Variants in STK4 observed in about 807,000 individuals in gnomAD.
The protein encoded by STK4 is serine/threonine kinase 4, also known as serine/threonine-protein kinase 4.
Under a neutral mutation model 64.9 loss-of-function variants are expected in STK4, and 30 were observed. That is an observed-to-expected ratio of 0.46 (90% confidence interval 0.35 to 0.63). The LOEUF (loss-of-function observed/expected upper bound fraction) is 0.63, where lower values mean the gene tolerates loss of function less well. STK4 is among the 20% of genes least tolerant of loss of function. The pLI, the probability that STK4 is intolerant of heterozygous loss-of-function variation, is 0.01. For missense variants in STK4, 466 were observed against 598.5 expected (o/e 0.78, Z 2.31); for synonymous variants, 177 against 199.0 (o/e 0.89, Z 0.93).
Position 45,054,759 on chromosome 20 carries a change from A to G in STK4, c.1306-20259A>G, listed in dbSNP as rs117970030. ...AGCTGTAAGATTTAATGAAGAGCAA[A>G]TGAGATTAATACATATAAAATACTT... On this transcript the variant is annotated intron_variant, in intron 10 of 10. Coordinates refer to ENST00000372806, the MANE Select transcript of STK4 (RefSeq NM_006282.5). 1.1e-3 allele frequency among the ~76,000 whole-genome samples: 165 copies of G among 152,214 alleles called. 1 individual carries two copies. The East Asian group carries it at 0.017, about 15-fold the overall frequency.
intron 9 of STK4, among the ~76,000 whole-genome samples, chr20:45,012,314 G>T (rs182480942): frequency 4.3e-4 from 65 of 152,192 alleles, no homozygotes; most frequent in African/African-American, 1.4e-3. Flanking sequence ...GATTACAGGC[G>T]TGAGCCACTG....
At chr20:45,001,129 T>C (rs1004529463) in intron 8 of STK4, 38 bp from the exon 9 acceptor site, 2 of 1,577,530 alleles carry the variant, frequency 1.3e-6, no homozygotes, top group African/African-American at 2.7e-5. Flanking sequence ...AAGTCTTTTG[T>C]CAAATTAGCC....
intron 5 of STK4, among the ~76,000 whole-genome samples, chr20:44,990,971 G>GTC (rs1158219353): frequency 6.6e-6 from 1 of 152,128 alleles, no homozygotes; most frequent in Non-Finnish European, 1.5e-5. Flanking sequence ...CCATCTGATA[G>GTC]TCTGTTCAGT....
In STK4 at chr20:45,053,106, G is replaced by A. The variant is rs183418829; in HGVS notation, c.1306-21912G>A. The A allele has an allele frequency of 2.0e-5, 33 of 1,612,638 alleles. No homozygotes were observed. The East Asian group carries it at 7.4e-4, about 36-fold the overall frequency. On this transcript the variant is annotated intron_variant, in intron 10 of 10. Transcript: ENST00000372806. ...TTCAGAAAACTAGCCAAGAACAGCA[G>A]TCTGGAAAAGACATATGTATCCAAA...
intron 10 of STK4, among the ~76,000 whole-genome samples, chr20:45,071,764 TTTA>T (rs1980089372): frequency 6.6e-6 from 1 of 152,138 alleles, no homozygotes; most frequent in South Asian, 2.1e-4. Flanking sequence ...TTAGTTTATT[TTTA>T]TTATTATTTA....
At chr20:45,015,759 C>A (rs1048780289) in intron 9 of STK4, among the ~76,000 whole-genome samples, 2 of 152,002 alleles carry the variant, frequency 1.3e-5, no homozygotes, top group African/African-American at 4.8e-5. Flanking sequence ...CCTCAGTTTC[C>A]TTGTCTGAAA....
intron 10 of STK4, among the ~76,000 whole-genome samples, chr20:45,058,743 A>G (rs1290907264): frequency 3.3e-5 from 5 of 152,198 alleles, no homozygotes; most frequent in African/African-American, 7.2e-5. Context: ...ATTAAGCTGC[A>G]TTAAAACAGT....
At chr20:45,028,135 A>T (rs1366494612) in intron 10 of STK4, among the ~76,000 whole-genome samples, 1 of 152,150 alleles carries the variant, frequency 6.6e-6, no homozygotes, top group East Asian at 1.9e-4. Context: ...CAGCAGTGGG[A>T]TTGCTGGATC....
intron 5 of STK4, among the ~76,000 whole-genome samples, chr20:44,991,305 A>G (rs2067629625): frequency 6.6e-6 from 1 of 152,144 alleles, no homozygotes; most frequent in Admixed American, 6.5e-5. Flanking sequence ...ATAAACATAA[A>G]CTCTGTGATT....
intron 10 of STK4, among the ~76,000 whole-genome samples, chr20:45,065,313 T>G (rs1213685931): frequency 6.6e-6 from 1 of 152,202 alleles, no homozygotes; most frequent in African/African-American, 2.4e-5. Flanking sequence ...TTGATAGTGG[T>G]GGATTAACCT....
Position 45,075,277 on chromosome 20 carries a change from C to T in STK4, c.*101C>T. The T allele has an allele frequency of 1.4e-6, 2 of 1,449,950 alleles. No homozygotes were observed. Among genetic ancestry groups the T allele is most frequent in the African/African-American group, 2.8e-5 (2 of 71,254 alleles). 89.8% of individuals were successfully genotyped at this position (1,449,950 alleles called of 1,614,324 possible). On this transcript the variant is annotated 3_prime_UTR_variant, in exon 11 of 11. Transcript: ENST00000372806. ...AGCCAGCACTTCTGCTCTGTCGTCTCTCCACAGCACCTTTGTGAACTCAGG... is the reference window on the plus strand; with the variant it reads ...AGCCAGCACTTCTGCTCTGTCGTCTTTCCACAGCACCTTTGTGAACTCAGG...
intron 10 of STK4, among the ~76,000 whole-genome samples, chr20:45,067,034 A>G (rs182891961): frequency 6.6e-6 from 1 of 152,300 alleles, no homozygotes; most frequent in African/African-American, 2.4e-5. Context: ...ACTAGAATCC[A>G]TTCCTAAATA....
chr20:45,016,458 T>G (rs934134747), intron 9 of STK4, among the ~76,000 whole-genome samples: 12 of 152,240 alleles, frequency 7.9e-5, no homozygotes, highest in African/African-American at 2.9e-4. Flanking sequence ...TCTCACAGTT[T>G]CAAAAATAAT....
Position 44,989,399 on chromosome 20 carries a change from G to A in STK4, c.525+2103G>A, listed in dbSNP as rs528894454. Among the ~76,000 whole-genome samples, 14 of 151,994 alleles carry A rather than the reference G, an allele frequency of 9.2e-5. No individual in the cohort carries two copies. In the South Asian group the frequency reaches 2.3e-3, roughly 25 times the overall value. On this transcript the variant is annotated intron_variant, in intron 5 of 10. Transcript: ENST00000372806. ...CATTTTTTCTGCTTATTGGACATTCGGGTATCTTTGGGAAAATGTCTATTT... is the reference window on the plus strand; with the variant it reads ...CATTTTTTCTGCTTATTGGACATTCAGGTATCTTTGGGAAAATGTCTATTT...
At chr20:44,975,275 T>G (rs889250818) in intron 2 of STK4, 67 of 758,302 alleles carry the variant, frequency 8.8e-5, no homozygotes, top group Non-Finnish European at 1.0e-4. Flanking sequence ...GACTTGCTTG[T>G]GAGTATGATT....
chr20:44,976,781 G>A (rs1478143091), intron 2 of STK4, among the ~76,000 whole-genome samples: 1 of 152,168 alleles, frequency 6.6e-6, no homozygotes, highest in Non-Finnish European at 1.5e-5. Flanking sequence ...TGTGAGATTC[G>A]AGAAGCCGTT....
Position 44,981,718 on chromosome 20 carries a change from A to G in STK4, c.246-111A>G, listed in dbSNP as rs2067443133. The G allele has an allele frequency of 1.9e-5, 12 of 621,378 alleles. 1 individual carries two copies. In the South Asian group the frequency reaches 2.1e-4, roughly 11 times the overall value. The allele number at this position is 621,378 out of a possible 1,614,324, so 38.5% of individuals were successfully genotyped here. A position where few individuals can be genotyped will look rare whatever the true frequency, so the allele number is the denominator to read the frequency against. ...GAGGTTGTCCATTTTATCCTTAACT[A>G]TGAATAATTGATCTTTCCAGATGAG... is the stretch of plus-strand genomic sequence containing the variant. On this transcript the variant is annotated intron_variant, in intron 3 of 10. Coordinates refer to ENST00000372806, the MANE Select transcript of STK4 (RefSeq NM_006282.5).
chr20:45,037,713 G>A (rs2068549744), intron 10 of STK4, among the ~76,000 whole-genome samples: 1 of 152,106 alleles, frequency 6.6e-6, no homozygotes, highest in African/African-American at 2.4e-5. Context: ...TTCTCTCCTA[G>A]ATCAGGGCTC....
At chr20:45,021,348 CTT>C (rs1488125437) in intron 9 of STK4, among the ~76,000 whole-genome samples, 4 of 152,166 alleles carry the variant, frequency 2.6e-5, no homozygotes, top group Admixed American at 1.3e-4. Flanking sequence ...TAAAATCAGA[CTT>C]AGTACAGGTG....
Sources: allele counts gnomAD v4.1 joint callset (sites outside exome capture counted in the v4.1 genomes callset), GRCh38; gene constraint gnomAD v4.1.1; transcripts MANE v1.5; gene names NCBI Gene and HGNC (gene_info 2026-07-23, HGNC 2026-07-21).